Variants in UMAD1 observed in about 807,000 individuals in gnomAD.
UMAD1 encodes UBAP1-MVB12-associated (UMA)-domain containing protein 1.
A neutral mutation model predicts 6.1 loss-of-function variants in UMAD1; 8 were observed. That is an observed-to-expected ratio of 1.30 (90% CI 0.76 to 2.35). The LOEUF (loss-of-function observed/expected upper bound fraction) is 2.35. UMAD1 is among the 30% of genes most tolerant of loss of function. The pLI is 0.00. For synonymous variants in UMAD1, 56 were observed against 31.4 expected (o/e 1.78, Z -2.61); for missense variants, 130 against 78.4 (o/e 1.66, Z -2.49).
chr7:7,647,320 A>C (rs77655130), intron 1 of UMAD1, among the ~76,000 whole-genome samples: 1,660 of 152,314 alleles, frequency 0.011, 32 homozygotes, highest in African/African-American at 0.037. Context: ...ACTGCATTAT[A>C]ATCTGAGGGT....
intron 2 of UMAD1, among the ~76,000 whole-genome samples, chr7:7,729,467 GGCTTCTGTGATTAGGGT>G (rs1781205671): frequency 6.6e-6 from 1 of 152,166 alleles, no homozygotes; most frequent in African/African-American, 2.4e-5. Context: ...CGTGGTACTT[GGCTTCTGTGATTAGGGT>G]GCCAGTCTCT....
chr7:7,804,678 A>G (rs867662485), intron 3 of UMAD1, among the ~76,000 whole-genome samples: 2 of 152,020 alleles, frequency 1.3e-5, no homozygotes, highest in Middle Eastern at 3.4e-3. Flanking sequence ...ATCTCCAAAA[A>G]TAAAATAAAA....
intron 2 of UMAD1, among the ~76,000 whole-genome samples, chr7:7,689,002 C>A (rs888900668): frequency 1.2e-4 from 19 of 152,150 alleles, no homozygotes; most frequent in Admixed American, 8.5e-4. Flanking sequence ...AGTAAGCATT[C>A]AGACTAAGCC....
chr7:7,788,003 A>G (rs997300499), intron 2 of UMAD1, among the ~76,000 whole-genome samples: 8 of 152,200 alleles, frequency 5.3e-5, no homozygotes, highest in African/African-American at 1.9e-4. Context: ...TCTCTTGATC[A>G]TACCATGTTT....
rs529407459 is a variant in UMAD1 at position 7,770,909 on chromosome 7, G to T, written c.83-30761G>T. ...GATGTATAACTTAAGAAAAATATTC[G>T]TTATTTAGAAATGGCTTTGGTAATT... is the stretch of plus-strand genomic sequence containing the variant. On this transcript the variant is annotated intron_variant, in intron 2 of 3. Transcript: ENST00000682710. Among the ~76,000 whole-genome samples, 4 of 152,112 alleles carry T rather than the reference G, an allele frequency of 2.6e-5. No individual in the cohort carries two copies. The East Asian group carries it at 7.8e-4, about 29-fold the overall frequency.
At chr7:7,648,696 C>T (rs1318249418) in intron 1 of UMAD1, among the ~76,000 whole-genome samples, 1 of 151,444 alleles carries the variant, frequency 6.6e-6, no homozygotes, top group African/African-American at 2.4e-5. Flanking sequence ...ACAAAAAATA[C>T]AAAAATTAGC....
chr7:7,878,337 T>C lies in UMAD1; in HGVS notation c.*799T>C, dbSNP rs1452799325. On this transcript the variant is annotated 3_prime_UTR_variant, in exon 4 of 4. Transcript: ENST00000682710. ...GAGATCCACATTTCCTTTCAACCCC[T>C]CTGCCTCCTGAAGAAAAACATCTCA... 1 of 152,266 alleles carries C rather than the reference T, an allele frequency of 6.6e-6. No individual in the cohort carries two copies. Among genetic ancestry groups the C allele is most frequent in the Non-Finnish European group, 1.5e-5 (1 of 68,058 alleles). 9.4% of individuals were successfully genotyped at this position (152,266 alleles called of 1,614,324 possible). A position where few individuals can be genotyped will look rare whatever the true frequency, so the allele number is the denominator to read the frequency against.
intron 2 of UMAD1, among the ~76,000 whole-genome samples, chr7:7,699,352 T>G (rs1451624179): frequency 6.6e-6 from 1 of 152,228 alleles, no homozygotes. Context: ...ACTCATAAAC[T>G]TGGACCTCAA....
At chr7:7,755,848 A>T (rs936699348) in intron 2 of UMAD1, among the ~76,000 whole-genome samples, 3 of 152,250 alleles carry the variant, frequency 2.0e-5, no homozygotes. Context: ...CATAAAAGTT[A>T]AGAAGGTAGA....
intron 2 of UMAD1, among the ~76,000 whole-genome samples, chr7:7,689,098 C>T (rs1008908037): frequency 6.6e-6 from 1 of 152,114 alleles, no homozygotes; most frequent in Non-Finnish European, 1.5e-5. Context: ...TTATTCCCAG[C>T]CCCAGAAAGT....
At chr7:7,704,970 C>A (rs138514751) in intron 2 of UMAD1, among the ~76,000 whole-genome samples, 1 of 152,226 alleles carries the variant, frequency 6.6e-6, no homozygotes, top group East Asian at 1.9e-4. Flanking sequence ...TGGATAAACT[C>A]AGCATGCCTT....
chr7:7,677,534 A>T (rs1398820123), intron 2 of UMAD1, among the ~76,000 whole-genome samples: 2 of 152,042 alleles, frequency 1.3e-5, no homozygotes, highest in African/African-American at 4.8e-5. Flanking sequence ...GCTTTATTTC[A>T]CTTTACATGA....
At chr7:7,741,912 T>C in intron 2 of UMAD1, 1 of 193,690 alleles carries the variant, frequency 5.2e-6, no homozygotes, top group South Asian at 8.0e-5. Flanking sequence ...AAAAAATATT[T>C]TTATTTTTAG....
At chr7:7,801,951 C>T (rs572676214) in intron 3 of UMAD1, among the ~76,000 whole-genome samples, 3 of 152,340 alleles carry the variant, frequency 2.0e-5, no homozygotes, top group Non-Finnish European at 4.4e-5. Context: ...GAAATGAAAA[C>T]TTTCTGTTAA....
intron 2 of UMAD1, among the ~76,000 whole-genome samples, chr7:7,701,610 T>C (rs975003707): frequency 6.6e-6 from 1 of 152,216 alleles, no homozygotes; most frequent in African/African-American, 2.4e-5. Context: ...GATTCAGAGT[T>C]GACCTTATGG....
intron 1 of UMAD1, among the ~76,000 whole-genome samples, chr7:7,642,645 A>G (rs896896706): frequency 6.6e-6 from 1 of 152,198 alleles, no homozygotes; most frequent in Non-Finnish European, 1.5e-5. Flanking sequence ...ATATTATAAA[A>G]TACATGATGT....
chr7:7,721,799 G>A (rs1563154915), intron 2 of UMAD1, among the ~76,000 whole-genome samples: 1 of 152,150 alleles, frequency 6.6e-6, no homozygotes, highest in Non-Finnish European at 1.5e-5. Flanking sequence ...TTGGATTGAA[G>A]GATGCAAAGT....
At chr7:7,724,877 C>G (rs1583777022) in intron 2 of UMAD1, among the ~76,000 whole-genome samples, 1 of 152,344 alleles carries the variant, frequency 6.6e-6, no homozygotes, top group East Asian at 1.9e-4. Context: ...TATCAACTCT[C>G]TGGCTTTGTG....
chr7:7,731,195 T>C (rs1181370669), intron 2 of UMAD1, among the ~76,000 whole-genome samples: 1 of 151,348 alleles, frequency 6.6e-6, no homozygotes, highest in Non-Finnish European at 1.5e-5. Flanking sequence ...GAGGGGGGGG[T>C]TCCACCATGT....
Sources: allele counts gnomAD v4.1 joint callset (sites outside exome capture counted in the v4.1 genomes callset), GRCh38; gene constraint gnomAD v4.1.1; transcripts MANE v1.5; gene names NCBI Gene and HGNC (gene_info 2026-07-23, HGNC 2026-07-21).